TCF25: variants seen among roughly 807,000 people sequenced by gnomAD.
TCF25 encodes TCF25 ribosome quality control complex subunit, also known as ribosome quality control complex subunit TCF25.
TCF25 carries 41 observed loss-of-function variants against 83.1 expected under a neutral mutation model. That is an observed-to-expected ratio of 0.49 (90% CI 0.38 to 0.64). TCF25 has a LOEUF of 0.64. Among genes scored for constraint, TCF25 ranks in the 30% least tolerant of loss-of-function variants. TCF25 has a pLI of 0.00. For synonymous variants in TCF25, 458 were observed against 365.0 expected (o/e 1.25, Z -2.90); for missense variants, 979 against 914.5 (o/e 1.07, Z -0.91).
chr16:89,887,590 G>C lies in TCF25; in HGVS notation c.549-62G>C, dbSNP rs987442399. 8 of 1,470,870 alleles carry C rather than the reference G, an allele frequency of 5.4e-6. No homozygotes were observed. In the African/African-American group the frequency reaches 1.2e-4, roughly 21 times the overall value. 91.1% of individuals were successfully genotyped at this position (1,470,870 alleles called of 1,614,324 possible). ...CTTGACTATTAGGTGGCTTTCTGAA[G>C]CTTTTGGAATCGTCTTAGAACATAA... On this transcript the variant is annotated intron_variant, in intron 4 of 17. Transcript: ENST00000263346.
intron 1 of TCF25, among the ~76,000 whole-genome samples, chr16:89,877,111 AAT>A (rs1303732373): frequency 4.8e-4 from 69 of 143,974 alleles, no homozygotes; most frequent in African/African-American, 1.9e-3. Flanking sequence ...CAAAAAAATA[AAT>A]AAATAAATAA....
chr16:89,907,376 TTCC>T lies in TCF25; in HGVS notation c.1799+55_1799+57del, dbSNP rs2044908127. The T allele has an allele frequency of 4.7e-4, 90 of 190,098 alleles. 6 individuals carry two copies. The highest frequency in any genetic ancestry group is 2.4e-3 in the Middle Eastern group (1 of 414). 11.8% of individuals were successfully genotyped at this position (190,098 alleles called of 1,614,324 possible). A position where few individuals can be genotyped will look rare whatever the true frequency, so the allele number is the denominator to read the frequency against. ...CCAGCTCCCACCTCCCTCCTCCCAGTTCCCAGCTCCCAGCTCCCACCTCCCAGC... is the reference window on the plus strand; with the variant it reads ...CCAGCTCCCACCTCCCTCCTCCCAGTCAGCTCCCAGCTCCCACCTCCCAGC... On this transcript the variant is annotated intron_variant, in intron 16 of 17. Coordinates refer to ENST00000263346, the MANE Select transcript of TCF25 (RefSeq NM_014972.3).
intron 15 of TCF25, among the ~76,000 whole-genome samples, chr16:89,906,524 C>T (rs181805189): frequency 5.9e-5 from 9 of 152,222 alleles, no homozygotes; most frequent in African/African-American, 1.2e-4. Flanking sequence ...GAGTCGTCAC[C>T]GTGGTGAGCT....
rs775838424 is a variant in TCF25 at position 89,884,628 on chromosome 16, A to C, written c.401A>C (p.Asn134Thr). The C allele has an allele frequency of 6.2e-7, 1 of 1,613,384 alleles. No individual in the cohort carries two copies. Among genetic ancestry groups the C allele is most frequent in the Non-Finnish European group, 8.5e-7 (1 of 1,179,640 alleles). The change falls in exon 3 of 18, where the codon AAC (asparagine) becomes ACC (threonine). Residue 134 changes from asparagine (N) to threonine (T), a missense_variant. Physicochemically the swap from Asn to Thr is moderately conservative, Grantham distance 65 (BLOSUM62 0). Coordinates refer to ENST00000263346, the MANE Select transcript of TCF25 (RefSeq NM_014972.3). ...CGGAAGAAGAAAAAAAAACAGAAAA[A>C]CAAGAAAAGCAGCACGGGAGAAGCA... ...KLRKKKKKQKNKKSSTGEASE... is the reference protein window; with the variant it reads ...KLRKKKKKQKTKKSSTGEASE...
rs117794362 is a variant in TCF25, at chr16:89,895,891, C to T, written c.929-99C>T. 5.2e-3 allele frequency: 5,857 copies of T among 1,132,306 alleles called. 27 individuals carry two copies. The highest frequency in any genetic ancestry group is 6.3e-3 in the Non-Finnish European group (4,969 of 788,006). 70.1% of individuals were successfully genotyped at this position (1,132,306 alleles called of 1,614,324 possible). ...GTGTCCAGGACTCTAGTTTCGTGAC[C>T]TTCCGTCCAGACCTTTCCTTGTTGT... is the stretch of plus-strand genomic sequence containing the variant. On this transcript the variant is annotated intron_variant, in intron 8 of 17. Coordinates refer to ENST00000263346, the MANE Select transcript of TCF25 (RefSeq NM_014972.3).
Position 89,885,864 on chromosome 16 carries a change from A to C in TCF25, c.446A>C (p.Asp149Ala). The C allele has an allele frequency of 6.2e-7, 1 of 1,612,538 alleles. No individual in the cohort carries two copies. Among genetic ancestry groups the C allele is most frequent in the Non-Finnish European group, 8.5e-7 (1 of 1,178,618 alleles). ...GGCTTTTAGGAAAACGGACTAGAAG[A>C]TATCGATCGCATCCTAGAGAGGATT... The part of the protein sequence containing the change: ...TGEASENGLE[D>A]IDRILERIED... Residue 149 changes from aspartate to alanine, a missense_variant, in exon 4 of 18, where the codon GAT (aspartate) becomes GCT (alanine). By Grantham distance (126) the Asp-to-Ala change is moderately radical. Transcript: ENST00000263346.
chr16:89,878,565 C>T (rs1482420695), intron 1 of TCF25: 2 of 1,184,420 alleles, frequency 1.7e-6, no homozygotes, highest in Admixed American at 7.6e-5. Flanking sequence ...CAGTCGTGGA[C>T]AAGAACCTTG....
At chr16:89,878,703 C>T (rs1011983517) in intron 1 of TCF25, 4 of 999,062 alleles carry the variant, frequency 4.0e-6, no homozygotes, top group South Asian at 3.0e-5. Flanking sequence ...TGCAGTGGCA[C>T]CATCTCAGCT....
chr16:89,904,116 A>C lies in TCF25; in HGVS notation c.1382-2A>C. On this transcript the variant is annotated splice_acceptor_variant, in intron 12 of 17. Transcript: ENST00000263346. LOFTEE classifies it high-confidence loss of function. ...CCCACAGAGCCTCCGCTTCCCCTGCAGTCCTCCTGCCCCTGCTCGAGTCTT... is the reference window on the plus strand; with the variant it reads ...CCCACAGAGCCTCCGCTTCCCCTGCCGTCCTCCTGCCCCTGCTCGAGTCTT... 6.2e-7 allele frequency: 1 copy of C among 1,604,766 alleles called. No homozygotes were observed. The highest frequency in any genetic ancestry group is 8.5e-7 in the Non-Finnish European group (1 of 1,176,066).
intron 16 of TCF25, chr16:89,909,158 CAT>C (rs1321288770): frequency 1.6e-6 from 2 of 1,278,646 alleles, no homozygotes; most frequent in Admixed American, 2.3e-5. Context: ...TAGAAATAAA[CAT>C]AAAATCAAAA....
At chr16:89,874,536 C>G (rs1215483009) in intron 1 of TCF25, 4 of 152,538 alleles carry the variant, frequency 2.6e-5, no homozygotes, top group Non-Finnish European at 5.9e-5. Context: ...TTGCTCTTCG[C>G]GCATCCCCAT....
chr16:89,877,189 TGTGTGTGG>T (rs1197915391), intron 1 of TCF25, among the ~76,000 whole-genome samples: 3 of 152,150 alleles, frequency 2.0e-5, no homozygotes, highest in African/African-American at 7.2e-5. Flanking sequence ...CAGTTTTTGC[TGTGTGTGG>T]GTGTGTGTGT....
intron 1 of TCF25, among the ~76,000 whole-genome samples, chr16:89,880,599 A>T (rs2042536837): frequency 6.6e-6 from 1 of 151,934 alleles, no homozygotes; most frequent in Non-Finnish European, 1.5e-5. Flanking sequence ...AAGAAAAAAA[A>T]AAAAGTAAAT....
chr16:89,878,960 C>G (rs149763742), intron 1 of TCF25, among the ~76,000 whole-genome samples: 3 of 152,194 alleles, frequency 2.0e-5, no homozygotes, highest in African/African-American at 7.2e-5. Flanking sequence ...GTTTGTCTGA[C>G]GGTGATTGAC....
intron 15 of TCF25, among the ~76,000 whole-genome samples, chr16:89,906,544 G>A (rs752063549): frequency 5.3e-5 from 8 of 152,180 alleles, no homozygotes; most frequent in Non-Finnish European, 1.0e-4. Context: ...TGCTCCATCC[G>A]TGGTCTTGTG....
At chr16:89,895,571 G>C (rs1219269187) in intron 8 of TCF25, among the ~76,000 whole-genome samples, 1 of 152,202 alleles carries the variant, frequency 6.6e-6, no homozygotes, top group Non-Finnish European at 1.5e-5. Flanking sequence ...TCAGAACGTC[G>C]TTCGTTTTTA....
intron 11 of TCF25, among the ~76,000 whole-genome samples, chr16:89,899,396 C>T (rs1475584996): frequency 3.9e-5 from 6 of 152,156 alleles, no homozygotes; most frequent in Non-Finnish European, 5.9e-5. Context: ...TTAGATATAA[C>T]GTATTAATCT....
At chr16:89,896,204 C>T in intron 9 of TCF25, 121 bp downstream of exon 9, 2 of 767,538 alleles carry the variant, frequency 2.6e-6, no homozygotes, top group Non-Finnish European at 4.2e-6. Flanking sequence ...CCCACAGGTC[C>T]AGAGTGACCC....
chr16:89,873,613 C>G lies in TCF25; in HGVS notation c.-55C>G, dbSNP rs1359614169. The G allele has an allele frequency of 2.1e-6, 3 of 1,443,444 alleles. No individual in the cohort carries two copies. The highest frequency in any genetic ancestry group is 2.7e-6 in the Non-Finnish European group (3 of 1,100,176). 89.4% of individuals were successfully genotyped at this position (1,443,444 alleles called of 1,614,324 possible). A position where few individuals can be genotyped will look rare whatever the true frequency, so the allele number is the denominator to read the frequency against. On this transcript the variant is annotated 5_prime_UTR_variant, in exon 1 of 18. Transcript: ENST00000263346. ...AAGAGTGCGCAGGCGCGCCGACAGCCGAGTTTTCTGCGCTTCCTTCTCCCT... is the reference window on the plus strand; with the variant it reads ...AAGAGTGCGCAGGCGCGCCGACAGCGGAGTTTTCTGCGCTTCCTTCTCCCT...
Sources: gnomAD v4.1 joint callset for allele counts (sites outside exome capture counted in the v4.1 genomes callset) on GRCh38, gnomAD v4.1.1 for gene constraint, MANE v1.5 for transcripts, NCBI Gene and HGNC (gene_info 2026-07-23, HGNC 2026-07-21) for gene names.